The following LTBP1 variants were observed in gnomAD, a reference collection of about 807,000 sequenced individuals.
LTBP1 encodes latent-transforming growth factor beta-binding protein 1.
A neutral mutation model predicts 207.6 loss-of-function variants in LTBP1; 129 were observed. The ratio of observed to expected loss-of-function variants is 0.62; its 90% CI spans 0.54 to 0.72. The LOEUF (loss-of-function observed/expected upper bound fraction) is 0.72, where lower values mean the gene tolerates loss of function less well. LTBP1 is among the 30% of genes least tolerant of loss of function. LTBP1 has a pLI of 0.00. For missense variants in LTBP1, 2,281 were observed against 2,217.2 expected (o/e 1.03, Z -0.58); for synonymous variants, 963 against 833.7 (o/e 1.16, Z -2.67).
chr2:33,299,187 A>G (rs2093937735), intron 20 of LTBP1, among the ~76,000 whole-genome samples: 1 of 151,458 alleles, frequency 6.6e-6, no homozygotes, highest in African/African-American at 2.4e-5. Flanking sequence ...GGTTGCAGTG[A>G]GCCGAGATAG....
intron 2 of LTBP1, among the ~76,000 whole-genome samples, chr2:32,977,010 C>T (rs1347243771): frequency 6.6e-6 from 1 of 152,250 alleles, no homozygotes; most frequent in Admixed American, 6.5e-5. Flanking sequence ...CCTGGCCCCT[C>T]TGCCTACCAG....
chr2:33,047,299 T>A (rs1455371440), intron 3 of LTBP1, among the ~76,000 whole-genome samples: 2 of 152,262 alleles, frequency 1.3e-5, no homozygotes, highest in African/African-American at 4.8e-5. Context: ...GTCCCAGAGA[T>A]TCTGGTACGT....
At chr2:33,284,206 C>T (rs1030173492) in intron 19 of LTBP1, among the ~76,000 whole-genome samples, 3 of 152,126 alleles carry the variant, frequency 2.0e-5, no homozygotes, top group Non-Finnish European at 4.4e-5. Context: ...TAAATTAGAG[C>T]AGAAATTGTT....
At chr2:33,019,439 G>C (rs1402534830) in intron 2 of LTBP1, among the ~76,000 whole-genome samples, 1 of 146,164 alleles carries the variant, frequency 6.8e-6, no homozygotes, top group East Asian at 2.1e-4. Context: ...GGGTTCAAGT[G>C]ATTCTCCTAC....
intron 2 of LTBP1, among the ~76,000 whole-genome samples, chr2:32,966,836 C>T (rs1339607359): frequency 6.6e-6 from 1 of 152,008 alleles, no homozygotes; most frequent in Non-Finnish European, 1.5e-5. Context: ...CTGTAGTTTC[C>T]TGTTCCTGTA....
At chr2:33,110,443 G>A (rs1469886087) in intron 3 of LTBP1, 139 bp from the exon 4 acceptor site, 4 of 702,314 alleles carry the variant, frequency 5.7e-6, no homozygotes, top group South Asian at 2.1e-5. Flanking sequence ...GTCAGCGACA[G>A]TATTTGAAGG....
At chr2:33,354,369 T>A (rs1299101017) in intron 26 of LTBP1, among the ~76,000 whole-genome samples, 1 of 152,158 alleles carries the variant, frequency 6.6e-6, no homozygotes, top group Non-Finnish European at 1.5e-5. Context: ...ACAGTATTTA[T>A]AATGCAAATA....
intron 2 of LTBP1, among the ~76,000 whole-genome samples, chr2:32,998,447 C>T (rs367742976): frequency 7.9e-6 from 1 of 126,364 alleles, no homozygotes; most frequent in African/African-American, 3.0e-5. Context: ...ACCCAGGAGT[C>T]GGAGGTTGCA....
At chr2:33,024,862 T>A (rs2075339781) in intron 3 of LTBP1, among the ~76,000 whole-genome samples, 1 of 152,214 alleles carries the variant, frequency 6.6e-6, no homozygotes, top group Non-Finnish European at 1.5e-5. Flanking sequence ...TGACAGTCTG[T>A]GTCAGGAATC....
intron 28 of LTBP1, 53 bp downstream of exon 28, chr2:33,361,568 T>C: frequency 1.4e-5 from 18 of 1,287,488 alleles, no homozygotes; most frequent in Non-Finnish European, 2.0e-5. Flanking sequence ...TGTCAGATAT[T>C]CAAGTGAAAA....
At chr2:33,102,027 T>C (rs1024169583) in intron 3 of LTBP1, among the ~76,000 whole-genome samples, 2 of 152,124 alleles carry the variant, frequency 1.3e-5, no homozygotes, top group East Asian at 3.8e-4. Flanking sequence ...CCAGGCAACT[T>C]GAGTATAGGG....
In LTBP1 at chr2:33,186,840, C is replaced by A. The variant is rs2087256760; in HGVS notation, c.1202-16C>A. On this transcript the variant is annotated splice_polypyrimidine_tract_variant and intron_variant, in intron 5 of 33. Coordinates refer to ENST00000404816, the MANE Select transcript of LTBP1 (RefSeq NM_206943.4). ...GAGACTAACCAACTCTCCATGTTTTCTCTTTTCCCTTTTAGTAATTTGCCA... is the reference window on the plus strand; with the variant it reads ...GAGACTAACCAACTCTCCATGTTTTATCTTTTCCCTTTTAGTAATTTGCCA... 6.2e-7 allele frequency: 1 copy of A among 1,604,582 alleles called. No homozygotes were observed. Among genetic ancestry groups the A allele is most frequent in the African/African-American group, 1.3e-5 (1 of 74,748 alleles).
chr2:33,289,260 T>C (rs1412494025), intron 19 of LTBP1, among the ~76,000 whole-genome samples: 1 of 152,260 alleles, frequency 6.6e-6, no homozygotes, highest in Non-Finnish European at 1.5e-5. Context: ...GCAAGTTTCT[T>C]ACCCTGGGAG....
intron 3 of LTBP1, among the ~76,000 whole-genome samples, chr2:33,025,764 G>C (rs578106006): frequency 6.6e-6 from 1 of 152,274 alleles, no homozygotes. Context: ...AGTGGGTTGA[G>C]GTATAGAGGT....
At chr2:33,123,531 A>C (rs115645732) in intron 4 of LTBP1, among the ~76,000 whole-genome samples, 13 of 152,324 alleles carry the variant, frequency 8.5e-5, no homozygotes, top group Non-Finnish European at 1.8e-4. Flanking sequence ...TTCAAAGACT[A>C]TTAATGGAGA....
At chr2:33,094,708 A>G (rs992976890) in intron 3 of LTBP1, among the ~76,000 whole-genome samples, 1 of 152,186 alleles carries the variant, frequency 6.6e-6, no homozygotes, top group Non-Finnish European at 1.5e-5. Flanking sequence ...GTTAGAGGTT[A>G]CAGATTCCCC....
At chr2:32,973,727 C>T (rs1024345289) in intron 2 of LTBP1, among the ~76,000 whole-genome samples, 6 of 152,182 alleles carry the variant, frequency 3.9e-5, no homozygotes, top group African/African-American at 1.2e-4. Flanking sequence ...ACCATCCCCA[C>T]TTCTCCTCCA....
intron 2 of LTBP1, among the ~76,000 whole-genome samples, chr2:33,006,445 G>A (rs1393724249): frequency 1.4e-5 from 2 of 142,886 alleles, no homozygotes; most frequent in African/African-American, 2.6e-5. Context: ...GTGCAGTGGC[G>A]CAATCTTGGC....
At chr2:33,098,729 G>A (rs977862883) in intron 3 of LTBP1, among the ~76,000 whole-genome samples, 6 of 152,068 alleles carry the variant, frequency 3.9e-5, no homozygotes, top group African/African-American at 1.2e-4. Flanking sequence ...GTGAGCCACC[G>A]CGCCTGGCCC....
Sources: gnomAD v4.1 joint callset for allele counts (sites outside exome capture counted in the v4.1 genomes callset) on GRCh38, gnomAD v4.1.1 for gene constraint, MANE v1.5 for transcripts, NCBI Gene and HGNC (gene_info 2026-07-23, HGNC 2026-07-21) for gene names.